Variants in LRRC41 observed in about 807,000 individuals in gnomAD.
LRRC41 encodes the protein leucine rich repeat containing 41.
Under a neutral mutation model 72.1 loss-of-function variants are expected in LRRC41, and 17 were observed. That is an observed-to-expected ratio of 0.24 (90% CI 0.16 to 0.35). The LOEUF (loss-of-function observed/expected upper bound fraction) is 0.35. Among genes scored for constraint, LRRC41 ranks in the 10% least tolerant of loss-of-function variants. LRRC41 has a pLI of 1.00. For missense variants in LRRC41, 759 were observed against 1,065.0 expected, an observed-to-expected ratio of 0.71 and a Z score of 4.00; for synonymous variants, 427 against 431.0, an observed-to-expected ratio of 0.99 and a Z score of 0.11.
chr1:46,277,946 C>T lies in LRRC41; in HGVS notation c.*919G>A. 6.2e-7 allele frequency: 1 copy of T among 1,614,120 alleles called. No homozygotes were observed. The highest frequency in any genetic ancestry group is 8.5e-7 in the Non-Finnish European group (1 of 1,180,028). ...GGGCGAGTTGAAGGAGCTGTTTATC[C>T]TGGATGAAGCTAGCCTCAGTGACAC... On this transcript the variant is annotated 3_prime_UTR_variant, in exon 10 of 10. Coordinates refer to ENST00000617190, the MANE Select transcript of LRRC41 (RefSeq NM_006369.5).
At chr1:46,301,870 G>C in intron 1 of LRRC41, 3 of 811,224 alleles carry the variant, frequency 3.7e-6, no homozygotes, top group Non-Finnish European at 4.5e-6. Context: ...CCACCTCTTC[G>C]CCCAACTCCA....
chr1:46,286,364 G>A lies in LRRC41; in HGVS notation c.493C>T (p.Arg165Ter). 6.2e-7 allele frequency: 1 copy of A among 1,614,184 alleles called. No homozygotes were observed. Among genetic ancestry groups the A allele is most frequent in the Non-Finnish European group, 8.5e-7 (1 of 1,180,026 alleles). ...AGCATGTTACAGATGGTGAGCTGTC[G>A]GACATGGCGGGAGCTGTGCAGAAGA... ...SPLLHSSRHV[R>*]QLTICNMLQG... Residue 165 changes from arginine (R) to a stop codon, truncating the protein, a stop_gained, in exon 4 of 10, where the codon CGA becomes TGA. Transcript: ENST00000617190. LOFTEE classifies it high-confidence loss of function. This position sits in a 1 kb window ranked among gnomAD's most constrained non-coding sequence, Gnocchi z 5.5.
At chr1:46,284,399 T>G (rs957916010) in intron 4 of LRRC41, 1 of 152,216 alleles carries the variant, frequency 6.6e-6, no homozygotes, top group African/African-American at 2.4e-5. Context: ...TTGTGAGGAT[T>G]GTTAGATCAA....
At chr1:46,281,757 T>A (rs1660780020) in intron 4 of LRRC41, among the ~76,000 whole-genome samples, 1 of 151,910 alleles carries the variant, frequency 6.6e-6, no homozygotes, top group Admixed American at 6.6e-5. Context: ...AGGAAGGAAG[T>A]TTTGGATAGA....
chr1:46,302,154 GGTC>G lies in LRRC41; in HGVS notation c.199+967_199+969del. On this transcript the variant is annotated intron_variant, in intron 1 of 9. Transcript: ENST00000617190. This position sits in a 1 kb window ranked among gnomAD's most constrained non-coding sequence, Gnocchi z 4.7. ...GCCCTCCATCCAGGCCCGGCCCTTT[GGTC>G]CCGGCCGCCTTCAGGCCTGGGGCCC... is the stretch of plus-strand genomic sequence containing the variant. 1.2e-5 allele frequency: 12 copies of G among 985,116 alleles called. No homozygotes were observed. The highest frequency in any genetic ancestry group is 1.4e-5 in the Non-Finnish European group (12 of 829,816). The allele number at this position is 985,116 out of a possible 1,614,324, so 61.0% of individuals were successfully genotyped here. A position where few individuals can be genotyped will look rare whatever the true frequency, so the allele number is the denominator to read the frequency against.
At position 46,285,058 on chromosome 1, in the gene LRRC41, C is replaced by T. The variant is rs1163561831; in HGVS notation, c.1495+304G>A. ...CTAGCCCTGCCTGAGCATGCATATA[C>T]TATACTGCTCCCACCTGCCCTTGGA... On this transcript the variant is annotated intron_variant, in intron 4 of 9. Transcript: ENST00000617190. The surrounding 1 kb of genome is among the most constrained non-coding windows in gnomAD (Gnocchi z 5.3). The T allele has an allele frequency of 7.2e-6, 3 of 415,050 alleles. No homozygotes were observed. The highest frequency in any genetic ancestry group is 1.4e-5 in the Non-Finnish European group (3 of 220,736). The allele number at this position is 415,050 out of a possible 1,614,324, so 25.7% of individuals were successfully genotyped here.
intron 3 of LRRC41, among the ~76,000 whole-genome samples, chr1:46,287,725 T>C (rs1449162492): frequency 6.6e-6 from 1 of 152,112 alleles, no homozygotes; most frequent in African/African-American, 2.4e-5. Flanking sequence ...TAGAAACATG[T>C]CATTTGAGAT....
Position 46,303,463 on chromosome 1 carries a change from CA to C in LRRC41, c.-142del. ...ATTTCGAAGAAATTAGCACACTTTCCAAGTCTCTTAGGAGCTACTATTTTAG... is the reference window on the plus strand; with the variant it reads ...ATTTCGAAGAAATTAGCACACTTTCCAGTCTCTTAGGAGCTACTATTTTAG... On this transcript the variant is annotated 5_prime_UTR_variant, in exon 1 of 10. Transcript: ENST00000617190. 3 of 871,800 alleles carry C rather than the reference CA, an allele frequency of 3.4e-6. No homozygotes were observed. In the South Asian group the frequency reaches 5.5e-5, roughly 16 times the overall value. The allele number at this position is 871,800 out of a possible 1,614,324, so 54.0% of individuals were successfully genotyped here. A position where few individuals can be genotyped will look rare whatever the true frequency, so the allele number is the denominator to read the frequency against.
At chr1:46,287,198 G>A (rs1262053260) in intron 3 of LRRC41, among the ~76,000 whole-genome samples, 1 of 150,740 alleles carries the variant, frequency 6.6e-6, no homozygotes, top group Non-Finnish European at 1.5e-5. Flanking sequence ...AAGCTCTGCC[G>A]CCCGGGTTCA....
At chr1:46,280,908 A>G (rs1187586132) in intron 5 of LRRC41, among the ~76,000 whole-genome samples, 1 of 152,198 alleles carries the variant, frequency 6.6e-6, no homozygotes, top group African/African-American at 2.4e-5. Flanking sequence ...CTGGAGACCA[A>G]GCTGCCTTGG....
rs767678361 is a variant in LRRC41 at position 46,295,836 on chromosome 1, AT to A, written c.357+1726del. On this transcript the variant is annotated intron_variant, in intron 3 of 9. Coordinates refer to ENST00000617190, the MANE Select transcript of LRRC41 (RefSeq NM_006369.5). Reference sequence around the variant, plus strand: ...CTTCCTCATAAGGTCTGTTGTCCTCATTCTGAACGCCAAGGGTTGCAGTCCA... The same window carrying A: ...CTTCCTCATAAGGTCTGTTGTCCTCATCTGAACGCCAAGGGTTGCAGTCCA... Among the ~76,000 whole-genome samples the A allele has an allele frequency of 7.9e-5, 12 of 152,230 alleles. No homozygotes were observed. In the East Asian group the frequency reaches 2.3e-3, roughly 29 times the overall value.
chr1:46,282,252 G>C (rs186401955), intron 4 of LRRC41, among the ~76,000 whole-genome samples: 1 of 152,308 alleles, frequency 6.6e-6, no homozygotes, highest in East Asian at 1.9e-4. Flanking sequence ...AAAAACTATG[G>C]AGAGTGACAG....
At chr1:46,283,794 T>C (rs961846211) in intron 4 of LRRC41, among the ~76,000 whole-genome samples, 1 of 150,660 alleles carries the variant, frequency 6.6e-6, no homozygotes, top group African/African-American at 2.4e-5. Flanking sequence ...AGTCACTGAG[T>C]AGCTGGGATT....
At chr1:46,297,006 A>G (rs374759121) in intron 3 of LRRC41, 1 of 152,144 alleles carries the variant, frequency 6.6e-6, no homozygotes, top group Admixed American at 6.6e-5. Flanking sequence ...ACTTTCTCCA[A>G]TCTCCACGGG....
intron 3 of LRRC41, among the ~76,000 whole-genome samples, chr1:46,290,923 T>TTG (rs1661000175): frequency 8.6e-6 from 1 of 115,930 alleles, no homozygotes. Context: ...CTAGTTTTTT[T>TTG]TTTTTTTTTT....
rs1327680799 is a variant in LRRC41, at chr1:46,285,250, C to T, written c.1495+112G>A. The T allele has an allele frequency of 1.9e-6, 2 of 1,046,172 alleles. No individual in the cohort carries two copies. Among genetic ancestry groups the T allele is most frequent in the Admixed American group, 4.1e-5 (2 of 48,314 alleles). The allele number at this position is 1,046,172 out of a possible 1,614,324, so 64.8% of individuals were successfully genotyped here. The stretch of plus-strand genomic sequence containing the variant: ...CTATGAGGCATACAAGCCTTCCTCT[C>T]TAACCTCCTGATCATACCCCCAATT... On this transcript the variant is annotated intron_variant, in intron 4 of 9. Transcript: ENST00000617190. This position sits in a 1 kb window ranked among gnomAD's most constrained non-coding sequence, Gnocchi z 5.3.
At chr1:46,298,137 C>T in intron 2 of LRRC41, 147 bp downstream of exon 2, 1 of 584,978 alleles carries the variant, frequency 1.7e-6, no homozygotes, top group Non-Finnish European at 3.0e-6. Context: ...TCATAGGACA[C>T]TGAGGAATGA....
chr1:46,298,532 G>C (rs1661168707), intron 1 of LRRC41, 162 bp from the exon 2 acceptor site: 1 of 492,894 alleles, frequency 2.0e-6, no homozygotes, highest in African/African-American at 2.0e-5. Flanking sequence ...CCAAACTCTA[G>C]TCCACTTATC....
chr1:46,279,247 G>A lies in LRRC41; in HGVS notation c.2154C>T (p.Gly718=), dbSNP rs774251539. ...RLPGNRLGNA[G]LLALADVFSE... ...AGAAAACATCTGCCAAGGCCAGCAGGCCAGCATTCCCTGGAGAGAAGGGGA... is the reference window on the plus strand; with the variant it reads ...AGAAAACATCTGCCAAGGCCAGCAGACCAGCATTCCCTGGAGAGAAGGGGA... The change falls in exon 9 of 10, where the codon GGC becomes GGT. Residue 718 remains glycine, a synonymous_variant. Coordinates refer to ENST00000617190, the MANE Select transcript of LRRC41 (RefSeq NM_006369.5). This position sits in a 1 kb window ranked among gnomAD's most constrained non-coding sequence, Gnocchi z 4.5. 2.4e-5 allele frequency: 39 copies of A among 1,614,070 alleles called. No homozygotes were observed. The South Asian group carries it at 3.4e-4, about 14-fold the overall frequency.
Sources: gnomAD v4.1 joint callset for allele counts (sites outside exome capture counted in the v4.1 genomes callset) on GRCh38, gnomAD v4.1.1 for gene constraint, Gnocchi (gnomAD v3.1) non-coding constraint, MANE v1.5 for transcripts, NCBI Gene and HGNC (gene_info 2026-07-23, HGNC 2026-07-21) for gene names.